CSMD1: variants seen among roughly 807,000 people sequenced by gnomAD.
CSMD1 encodes CUB and sushi domain-containing protein 1.
Under a neutral mutation model 417.5 loss-of-function variants are expected in CSMD1, and 213 were observed. That is an observed-to-expected ratio of 0.51 (90% CI 0.46 to 0.57). The LOEUF (loss-of-function observed/expected upper bound fraction) is 0.57, where lower values mean the gene tolerates loss of function less well. Among genes scored for constraint, CSMD1 ranks in the 20% least tolerant of loss-of-function variants. The pLI is 0.00. For synonymous variants in CSMD1, 2,862 were observed against 1,736.8 expected (o/e 1.65, Z -16.11); for missense variants, 6,923 against 4,529.7 (o/e 1.53, Z -15.17).
intron 3 of CSMD1, among the ~76,000 whole-genome samples, chr8:4,191,605 T>A (rs1799036711): frequency 6.6e-6 from 1 of 152,148 alleles, no homozygotes; most frequent in African/African-American, 2.4e-5. Flanking sequence ...GTTTAAGCTT[T>A]CTATGTTGAA....
In CSMD1 at chr8:3,339,396, G is replaced by T. The variant is rs370693777; in HGVS notation, c.3631+3898C>A. ...AGACTTTTAAGAGCCAAGGGTAGGGGGGTTGCCTTAGGAAAGCTAGCCAGC... is the reference window on the plus strand; with the variant it reads ...AGACTTTTAAGAGCCAAGGGTAGGGTGGTTGCCTTAGGAAAGCTAGCCAGC... On this transcript the variant is annotated intron_variant, in intron 23 of 69. Coordinates refer to ENST00000635120, the MANE Select transcript of CSMD1 (RefSeq NM_033225.6). Among the ~76,000 whole-genome samples the T allele has an allele frequency of 2.0e-5, 3 of 152,032 alleles. 1 individual carries two copies. In the South Asian group the frequency reaches 6.2e-4, roughly 32 times the overall value.
At chr8:3,974,631 G>C (rs958338566) in intron 5 of CSMD1, among the ~76,000 whole-genome samples, 4 of 151,562 alleles carry the variant, frequency 2.6e-5, no homozygotes, top group Admixed American at 2.0e-4. Flanking sequence ...GTAATTATTA[G>C]ATGAAAGAAC....
intron 27 of CSMD1, among the ~76,000 whole-genome samples, chr8:3,229,714 C>T (rs1798720413): frequency 6.6e-6 from 1 of 152,000 alleles, no homozygotes; most frequent in Admixed American, 6.6e-5. Context: ...ATCAGAATAG[C>T]AATGGTAGGT....
At chr8:3,425,045 G>C (rs1259457857) in intron 12 of CSMD1, among the ~76,000 whole-genome samples, 1 of 152,050 alleles carries the variant, frequency 6.6e-6, no homozygotes, top group Non-Finnish European at 1.5e-5. Flanking sequence ...TCACTATGTT[G>C]ACCAGCCTGG....
chr8:4,792,042 A>G (rs1797720857), intron 1 of CSMD1, among the ~76,000 whole-genome samples: 2 of 152,136 alleles, frequency 1.3e-5, no homozygotes, highest in South Asian at 2.1e-4. Context: ...AAGTGGTGAC[A>G]TTCTTACCCA....
chr8:4,036,236 G>C (rs1286755277), intron 3 of CSMD1, among the ~76,000 whole-genome samples: 1 of 152,146 alleles, frequency 6.6e-6, no homozygotes, highest in Non-Finnish European at 1.5e-5. Flanking sequence ...ATGCATCCCA[G>C]TTGTTAAGTC....
chr8:3,498,721 C>A (rs994541940), intron 10 of CSMD1, among the ~76,000 whole-genome samples: 3 of 152,060 alleles, frequency 2.0e-5, no homozygotes, highest in African/African-American at 4.8e-5. Context: ...CTGGCTTATT[C>A]CGAAAATCCT....
At chr8:4,158,054 C>G (rs965947334) in intron 3 of CSMD1, among the ~76,000 whole-genome samples, 2 of 151,940 alleles carry the variant, frequency 1.3e-5, no homozygotes, top group East Asian at 1.9e-4. Context: ...CCTGCTACCC[C>G]TACCCCTGCT....
chr8:3,371,656 G>T (rs373313154), intron 18 of CSMD1, among the ~76,000 whole-genome samples: 1 of 152,040 alleles, frequency 6.6e-6, no homozygotes, highest in African/African-American at 2.4e-5. Context: ...ATTCACAAAA[G>T]AATTAGATAA....
At chr8:2,959,458 CCA>C (rs1001492832) in intron 62 of CSMD1, among the ~76,000 whole-genome samples, 36 of 152,334 alleles carry the variant, frequency 2.4e-4, no homozygotes, top group African/African-American at 8.4e-4. Context: ...GTTTGCAATT[CCA>C]ACCAGACCTC....
At chr8:4,116,428 G>C (rs768830652) in intron 3 of CSMD1, among the ~76,000 whole-genome samples, 2 of 151,722 alleles carry the variant, frequency 1.3e-5, no homozygotes. Flanking sequence ...GTACACATCA[G>C]ATGGCGACGT....
At chr8:3,320,091 C>A (rs779494828) in intron 23 of CSMD1, among the ~76,000 whole-genome samples, 3 of 152,204 alleles carry the variant, frequency 2.0e-5, no homozygotes, top group Non-Finnish European at 4.4e-5. Flanking sequence ...CCAGCGCACA[C>A]AGAAGACATG....
intron 11 of CSMD1, among the ~76,000 whole-genome samples, chr8:3,491,696 G>A (rs181972552): frequency 3.3e-5 from 5 of 152,332 alleles, no homozygotes; most frequent in Admixed American, 3.3e-4. Flanking sequence ...CTTTTTCAAT[G>A]TGTGAATTAT....
At chr8:3,258,625 T>TA (rs1277514962) in intron 26 of CSMD1, among the ~76,000 whole-genome samples, 7 of 152,286 alleles carry the variant, frequency 4.6e-5, no homozygotes, top group African/African-American at 1.7e-4. Flanking sequence ...CATTCTATTA[T>TA]AAAGACACAT....
intron 7 of CSMD1, among the ~76,000 whole-genome samples, chr8:3,641,601 C>G (rs189000819): frequency 8.5e-5 from 13 of 152,270 alleles, no homozygotes; most frequent in African/African-American, 2.6e-4. Flanking sequence ...TCTTATGTCT[C>G]AAGAGGTTAT....
intron 3 of CSMD1, among the ~76,000 whole-genome samples, chr8:4,363,089 G>A (rs1228204581): frequency 6.6e-6 from 1 of 152,112 alleles, no homozygotes; most frequent in Non-Finnish European, 1.5e-5. Flanking sequence ...AGGTCACAGT[G>A]GATCATAATA....
intron 3 of CSMD1, among the ~76,000 whole-genome samples, chr8:4,315,077 G>A (rs913617349): frequency 6.6e-6 from 1 of 152,110 alleles, no homozygotes; most frequent in Non-Finnish European, 1.5e-5. Flanking sequence ...ATTTGAATGG[G>A]CATCTCGAGG....
intron 5 of CSMD1, among the ~76,000 whole-genome samples, chr8:3,888,139 A>T (rs545248603): frequency 6.6e-6 from 1 of 152,342 alleles, no homozygotes; most frequent in Non-Finnish European, 1.5e-5. Context: ...TGGATAACTA[A>T]CATCATTTGT....
At chr8:3,127,545 C>A (rs1446052643) in intron 41 of CSMD1, 1 of 152,076 alleles carries the variant, frequency 6.6e-6, no homozygotes, top group East Asian at 1.9e-4. Flanking sequence ...CAAACTATAG[C>A]CTATTTTCTA....
Sources: allele counts gnomAD v4.1 joint callset (sites outside exome capture counted in the v4.1 genomes callset), GRCh38; gene constraint gnomAD v4.1.1; transcripts MANE v1.5; gene names NCBI Gene and HGNC (gene_info 2026-07-23, HGNC 2026-07-21).